The following MIB1 variants were observed in gnomAD, a reference collection of about 807,000 sequenced individuals.
MIB1 encodes MIB E3 ubiquitin protein ligase 1.
In MIB1, 278 loss-of-function variants were observed where a neutral mutation model predicts 124.5. The ratio of observed to expected loss-of-function variants is 2.23; its 90% CI spans 2.02 to 2.47. The LOEUF is 2.47. Among genes scored for constraint, MIB1 ranks in the 30% most tolerant of loss-of-function variants. MIB1 has a pLI of 0.00. For missense variants in MIB1, 957 were observed against 1,254.4 expected, an observed-to-expected ratio of 0.76 and a Z score of 3.58; for synonymous variants, 446 against 429.4, an observed-to-expected ratio of 1.04 and a Z score of -0.48.
intron 10 of MIB1, among the ~76,000 whole-genome samples, chr18:21,813,148 A>G (rs1331326274): frequency 6.6e-6 from 1 of 151,946 alleles, no homozygotes; most frequent in East Asian, 1.9e-4. Context: ...ATTTTCTAAC[A>G]ACCATACAGT....
At chr18:21,863,018 C>A (rs763737902) in intron 20 of MIB1, among the ~76,000 whole-genome samples, 4 of 152,156 alleles carry the variant, frequency 2.6e-5, no homozygotes, top group African/African-American at 9.7e-5. Context: ...CTTGCTCTGT[C>A]GCCCAGGCTG....
intron 1 of MIB1, among the ~76,000 whole-genome samples, chr18:21,759,229 G>A (rs563545064): frequency 4.0e-4 from 60 of 149,622 alleles, no homozygotes; most frequent in Middle Eastern, 3.5e-3. Context: ...ATATATATGT[G>A]TATATATATA....
intron 4 of MIB1, among the ~76,000 whole-genome samples, chr18:21,774,545 G>A (rs933650035): frequency 7.0e-4 from 107 of 152,268 alleles, no homozygotes; most frequent in African/African-American, 2.4e-3. Flanking sequence ...TCAATGAGCC[G>A]AGATCACGCC....
chr18:21,804,149 G>A lies in MIB1; in HGVS notation c.1479+135G>A, dbSNP rs1215833410. The A allele has an allele frequency of 9.2e-6, 6 of 652,872 alleles. No homozygotes were observed. The Admixed American group carries it at 1.6e-4, about 18-fold the overall frequency. 40.4% of individuals were successfully genotyped at this position (652,872 alleles called of 1,614,324 possible). A position where few individuals can be genotyped will look rare whatever the true frequency, so the allele number is the denominator to read the frequency against. On this transcript the variant is annotated intron_variant, in intron 10 of 20. Coordinates refer to ENST00000261537, the MANE Select transcript of MIB1 (RefSeq NM_020774.4). Reference sequence around the variant, plus strand: ...CTTTTCTGATTGAAAATAAAAATCTGACAGAGGCAACTTGAAACAGTTCTT... The same window carrying A: ...CTTTTCTGATTGAAAATAAAAATCTAACAGAGGCAACTTGAAACAGTTCTT...
At chr18:21,731,816 T>C (rs545372868) in intron 1 of MIB1, among the ~76,000 whole-genome samples, 1 of 151,430 alleles carries the variant, frequency 6.6e-6, no homozygotes, top group African/African-American at 2.4e-5. Flanking sequence ...TCAAAAACTT[T>C]GTGGAAAAAT....
intron 18 of MIB1, among the ~76,000 whole-genome samples, chr18:21,853,912 T>C (rs966945373): frequency 1.4e-5 from 2 of 147,608 alleles, no homozygotes; most frequent in African/African-American, 5.0e-5. Flanking sequence ...TCACCTAGGC[T>C]GGAGTGCAGT....
chr18:21,796,510 C>T (rs2041582796), intron 7 of MIB1, among the ~76,000 whole-genome samples: 1 of 152,082 alleles, frequency 6.6e-6, no homozygotes, highest in South Asian at 2.1e-4. Context: ...ACATGTATAG[C>T]TATGTAACAA....
Position 21,813,527 on chromosome 18 carries a change from G to A in MIB1, c.1480-2089G>A, listed in dbSNP as rs529954072. Among the ~76,000 whole-genome samples the A allele has an allele frequency of 3.9e-5, 6 of 152,110 alleles. No individual in the cohort carries two copies. The South Asian group carries it at 1.0e-3, about 26-fold the overall frequency. ...CCAGTTCCTTTCTCAAAATTGATAC[G>A]TAACAAAAACTGATTCAGCTGGAAA... On this transcript the variant is annotated intron_variant, in intron 10 of 20. Transcript: ENST00000261537.
Position 21,864,779 on chromosome 18 carries a change from A to G in MIB1, c.*113A>G. ...TAATTTCTAATATCATAGTTTCTTT[A>G]CTAGAGTATAATTGGGCTGTAAATG... On this transcript the variant is annotated 3_prime_UTR_variant, in exon 21 of 21. Transcript: ENST00000261537. 1.3e-6 allele frequency: 1 copy of G among 746,090 alleles called. No individual in the cohort carries two copies. Among genetic ancestry groups the G allele is most frequent in the African/African-American group, 1.7e-5 (1 of 57,502 alleles). 46.2% of individuals were successfully genotyped at this position (746,090 alleles called of 1,614,324 possible).
Position 21,843,327 on chromosome 18 carries a change from G to A in MIB1, c.2049+110G>A. On this transcript the variant is annotated intron_variant, in intron 14 of 20. Transcript: ENST00000261537. ...GTGTTACATGTCTCAAGCTGGCATA[G>A]TTAGATATAAGTAAATCTAAATATC... 6 of 643,614 alleles carry A rather than the reference G, an allele frequency of 9.3e-6. No homozygotes were observed. The South Asian group carries it at 1.5e-4, about 16-fold the overall frequency. The allele number at this position is 643,614 out of a possible 1,614,324, so 39.9% of individuals were successfully genotyped here.
chr18:21,783,548 C>G (rs1262050123), intron 6 of MIB1, among the ~76,000 whole-genome samples: 2 of 151,424 alleles, frequency 1.3e-5, no homozygotes, highest in Non-Finnish European at 3.0e-5. Context: ...CGGCCTCACT[C>G]TATGTCTTCT....
At chr18:21,706,241 C>G (rs2040626775) in intron 1 of MIB1, among the ~76,000 whole-genome samples, 1 of 152,148 alleles carries the variant, frequency 6.6e-6, no homozygotes, top group Non-Finnish European at 1.5e-5. Flanking sequence ...ACAACCACAC[C>G]CAGCTAATCT....
intron 6 of MIB1, among the ~76,000 whole-genome samples, chr18:21,782,415 A>G (rs2959520): frequency 0.068 from 10,421 of 152,216 alleles, 758 homozygotes; most frequent in African/African-American, 0.18. Context: ...GAACCACTGC[A>G]TCTGGCGTTA....
rs1376934046 is a variant in MIB1 at position 21,865,806 on chromosome 18, C to A, written c.*1140C>A. On this transcript the variant is annotated 3_prime_UTR_variant, in exon 21 of 21. Coordinates refer to ENST00000261537, the MANE Select transcript of MIB1 (RefSeq NM_020774.4). ...CCTACGGATGAGGGTATTATTTAAA[C>A]TGCCAACAATATCCAAGACATGGTC... is the stretch of plus-strand genomic sequence containing the variant. 1 of 152,554 alleles carries A rather than the reference C, an allele frequency of 6.6e-6. No homozygotes were observed. The highest frequency in any genetic ancestry group is 6.6e-5 in the Admixed American group (1 of 15,260). 9.5% of individuals were successfully genotyped at this position (152,554 alleles called of 1,614,324 possible).
chr18:21,825,777 A>G lies in MIB1; in HGVS notation c.1829+6131A>G, dbSNP rs567710610. ...TGGTTCCATTTTACCAGCTCTAGCA[A>G]AGCATTGTAGTGCTGCTAGTTTGGA... On this transcript the variant is annotated intron_variant, in intron 12 of 20. Coordinates refer to ENST00000261537, the MANE Select transcript of MIB1 (RefSeq NM_020774.4). The G allele has an allele frequency of 2.5e-5, 13 of 522,336 alleles. 1 individual carries two copies. The highest frequency in any genetic ancestry group is 1.7e-4 in the South Asian group (12 of 69,486). The allele number at this position is 522,336 out of a possible 1,614,324, so 32.4% of individuals were successfully genotyped here. A position where few individuals can be genotyped will look rare whatever the true frequency, so the allele number is the denominator to read the frequency against.
At chr18:21,821,585 G>A (rs1046675057) in intron 12 of MIB1, among the ~76,000 whole-genome samples, 1 of 144,202 alleles carries the variant, frequency 6.9e-6, no homozygotes, top group East Asian at 2.0e-4. Flanking sequence ...TTCTGTGTGT[G>A]TTTTTTTTGT....
At chr18:21,799,416 G>C (rs779926991) in intron 8 of MIB1, among the ~76,000 whole-genome samples, 10 of 151,934 alleles carry the variant, frequency 6.6e-5, no homozygotes, top group Non-Finnish European at 1.3e-4. Context: ...TGTTGCTTTT[G>C]ATCATAACCA....
At chr18:21,807,586 G>A (rs2041722854) in intron 10 of MIB1, among the ~76,000 whole-genome samples, 1 of 152,190 alleles carries the variant, frequency 6.6e-6, no homozygotes, top group African/African-American at 2.4e-5. Context: ...GGGACATTTG[G>A]AAATGTCCGG....
intron 13 of MIB1, among the ~76,000 whole-genome samples, chr18:21,840,665 A>ATT (rs375520508): frequency 5.8e-3 from 18 of 3,130 alleles, no homozygotes; most frequent in African/African-American, 7.4e-3. Context: ...ATATATATAT[A>ATT]TTTTTTTTTT....
Sources: gnomAD v4.1 joint callset for allele counts (sites outside exome capture counted in the v4.1 genomes callset) on GRCh38, gnomAD v4.1.1 for gene constraint, MANE v1.5 for transcripts, NCBI Gene and HGNC (gene_info 2026-07-23, HGNC 2026-07-21) for gene names.